The following SH3RF3 variants were observed in gnomAD, a reference collection of about 807,000 sequenced individuals.
The protein encoded by SH3RF3 is SH3 domain containing ring finger 3.
Under a neutral mutation model 66.3 loss-of-function variants are expected in SH3RF3, and 29 were observed. The ratio of observed to expected loss-of-function variants is 0.44; its 90% CI spans 0.33 to 0.60. The LOEUF is 0.60. SH3RF3 is among the 20% of genes least tolerant of loss of function. The pLI, the probability that SH3RF3 is intolerant of heterozygous loss-of-function variation, is 0.04. For synonymous variants in SH3RF3, 583 were observed against 532.0 expected, an observed-to-expected ratio of 1.10 and a Z score of -1.32; for missense variants, 1,194 against 1,190.9, an observed-to-expected ratio of 1.00 and a Z score of -0.04.
At chr2:109,189,895 T>C (rs1051701954) in intron 1 of SH3RF3, among the ~76,000 whole-genome samples, 1 of 152,172 alleles carries the variant, frequency 6.6e-6, no homozygotes, top group African/African-American at 2.4e-5. Flanking sequence ...GGAGCGATCA[T>C]ACTTTCTGCA....
At chr2:109,236,684 G>T (rs1679657432) in intron 1 of SH3RF3, among the ~76,000 whole-genome samples, 1 of 152,216 alleles carries the variant, frequency 6.6e-6, no homozygotes, top group Admixed American at 6.5e-5. Context: ...CAAGGTCGAA[G>T]AAAGGAAATC....
chr2:109,156,073 TCTC>T (rs1252827344), intron 1 of SH3RF3, among the ~76,000 whole-genome samples: 2 of 152,228 alleles, frequency 1.3e-5, no homozygotes, highest in Non-Finnish European at 2.9e-5. Context: ...AGCTGGGTCC[TCTC>T]CTCTTTGGCT....
At chr2:109,414,352 G>C (rs1416990437) in intron 4 of SH3RF3, among the ~76,000 whole-genome samples, 1 of 152,082 alleles carries the variant, frequency 6.6e-6, no homozygotes, top group Non-Finnish European at 1.5e-5. Flanking sequence ...CATGTCTTGG[G>C]GACTCTGTCC....
At chr2:109,188,472 C>T (rs953518975) in intron 1 of SH3RF3, among the ~76,000 whole-genome samples, 1 of 152,204 alleles carries the variant, frequency 6.6e-6, no homozygotes, top group African/African-American at 2.4e-5. Flanking sequence ...TTGTTTCCCC[C>T]TGGGGTTTGT....
chr2:109,315,923 G>T (rs67497297), intron 1 of SH3RF3, among the ~76,000 whole-genome samples: 47,332 of 151,930 alleles, frequency 0.31, 9,113 homozygotes, highest in African/African-American at 0.55. Context: ...TGTGTCTCTG[G>T]GTTGTTTTGG....
chr2:109,187,542 G>C (rs901156040), intron 1 of SH3RF3, among the ~76,000 whole-genome samples: 1 of 152,096 alleles, frequency 6.6e-6, no homozygotes, highest in Non-Finnish European at 1.5e-5. Context: ...TTACCATTGT[G>C]TTCCAGCTCC....
chr2:109,483,159 A>G (rs1381188555), intron 8 of SH3RF3, among the ~76,000 whole-genome samples: 1 of 152,166 alleles, frequency 6.6e-6, no homozygotes, highest in Non-Finnish European at 1.5e-5. Context: ...TCCCCACTAA[A>G]ATTTTAACAG....
intron 1 of SH3RF3, among the ~76,000 whole-genome samples, chr2:109,212,453 A>G (rs569017355): frequency 6.6e-6 from 1 of 152,228 alleles, no homozygotes; most frequent in Non-Finnish European, 1.5e-5. Context: ...AAGTCTCAAA[A>G]TGAATTTGTT....
chr2:109,435,047 G>A (rs973938640), intron 6 of SH3RF3, among the ~76,000 whole-genome samples: 1 of 152,096 alleles, frequency 6.6e-6, no homozygotes, highest in Non-Finnish European at 1.5e-5. Context: ...CTCTTGGTCT[G>A]TGTTTTCCAA....
intron 1 of SH3RF3, among the ~76,000 whole-genome samples, chr2:109,232,469 C>A (rs1175645633): frequency 1.3e-5 from 2 of 152,292 alleles, no homozygotes; most frequent in East Asian, 3.9e-4. Context: ...GAGATGGTTA[C>A]ACCTGTCCCG....
chr2:109,436,757 T>G, intron 6 of SH3RF3, 136 bp from the exon 7 acceptor site: 1 of 1,370,850 alleles, frequency 7.3e-7, no homozygotes, highest in Non-Finnish European at 9.8e-7. Flanking sequence ...CGGGCATTGT[T>G]TTAGGACCTC....
Position 109,365,269 on chromosome 2 carries a change from TG to T in SH3RF3, c.850-6316del, listed in dbSNP as rs1683133290. ...CTCCTTGAGGCACAATTCACAAAGG[TG>T]TGGGCCCCCCAGTGACTGGGCCCCT... On this transcript the variant is annotated intron_variant, in intron 2 of 9. Transcript: ENST00000309415. 2.0e-5 allele frequency among the ~76,000 whole-genome samples: 3 copies of T among 152,188 alleles called. No individual in the cohort carries two copies. In the South Asian group the frequency reaches 6.2e-4, roughly 32 times the overall value.
At chr2:109,483,665 G>A (rs1292505534) in intron 8 of SH3RF3, among the ~76,000 whole-genome samples, 1 of 152,238 alleles carries the variant, frequency 6.6e-6, no homozygotes, top group Non-Finnish European at 1.5e-5. Context: ...AGTCAAGGCT[G>A]GACACACAAA....
chr2:109,350,827 A>G (rs1682821808), intron 2 of SH3RF3, among the ~76,000 whole-genome samples: 1 of 152,110 alleles, frequency 6.6e-6, no homozygotes, highest in African/African-American at 2.4e-5. Context: ...CCCTCTGGGG[A>G]ATGTTTTTAT....
At chr2:109,213,142 G>GTT (rs1679029510) in intron 1 of SH3RF3, among the ~76,000 whole-genome samples, 1 of 152,198 alleles carries the variant, frequency 6.6e-6, no homozygotes, top group Non-Finnish European at 1.5e-5. Context: ...TGAACACCCA[G>GTT]TTTTTAAACT....
intron 1 of SH3RF3, among the ~76,000 whole-genome samples, chr2:109,333,742 G>A (rs781324850): frequency 3.5e-4 from 53 of 152,270 alleles, no homozygotes; most frequent in African/African-American, 9.9e-4. Context: ...GCTCTGCCAC[G>A]TATTGGCAGC....
chr2:109,469,724 A>C (rs1384359470), intron 8 of SH3RF3, among the ~76,000 whole-genome samples: 2 of 152,198 alleles, frequency 1.3e-5, no homozygotes, highest in Non-Finnish European at 2.9e-5. Flanking sequence ...AGAACGCTGA[A>C]AAGCTTAACC....
At chr2:109,353,457 C>T (rs1327187207) in intron 2 of SH3RF3, among the ~76,000 whole-genome samples, 1 of 152,214 alleles carries the variant, frequency 6.6e-6, no homozygotes, top group African/African-American at 2.4e-5. Flanking sequence ...TTCATAGTCA[C>T]GTGACACCGC....
Position 109,328,411 on chromosome 2 carries a change from C to T in SH3RF3, c.574-19263C>T, listed in dbSNP as rs1038817062. Among the ~76,000 whole-genome samples the T allele has an allele frequency of 2.8e-4, 43 of 152,198 alleles. 1 individual carries two copies. On this transcript the variant is annotated intron_variant, in intron 1 of 9. Coordinates refer to ENST00000309415, the MANE Select transcript of SH3RF3 (RefSeq NM_001099289.3). ...GCTGCCCCACCCTTGACTATGTGGG[C>T]TGCATCCTCATGGTGCTGTCTCCCC...
Sources: gnomAD v4.1 joint callset for allele counts (sites outside exome capture counted in the v4.1 genomes callset) on GRCh38, gnomAD v4.1.1 for gene constraint, MANE v1.5 for transcripts, NCBI Gene and HGNC (gene_info 2026-07-23, HGNC 2026-07-21) for gene names.